Variants in RARB observed in about 807,000 individuals in gnomAD.
RARB encodes HBV-activated protein.
A neutral mutation model predicts 51.9 loss-of-function variants in RARB; 17 were observed. The observed-to-expected ratio is 0.33, with a 90% CI of 0.22 to 0.49. RARB has a LOEUF of 0.49. Among genes scored for constraint, RARB ranks in the 20% least tolerant of loss-of-function variants. The probability of loss-of-function intolerance (pLI) is 0.99; values close to 1 mark genes in which losing one functional copy is unlikely to be tolerated. For synonymous variants in RARB, 215 were observed against 195.4 expected (o/e 1.10, Z -0.84); for missense variants, 369 against 550.8 (o/e 0.67, Z 3.30).
chr3:24,869,246 TAA>T (rs1702902288), intron 2 of RARB, among the ~76,000 whole-genome samples: 1 of 152,184 alleles, frequency 6.6e-6, no homozygotes, highest in African/African-American at 2.4e-5. Flanking sequence ...TAATGTGTCT[TAA>T]GTTGGTTTAC....
chr3:25,348,123 C>T (rs1705450445), intron 5 of RARB, among the ~76,000 whole-genome samples: 1 of 152,138 alleles, frequency 6.6e-6, no homozygotes, highest in South Asian at 2.1e-4. Flanking sequence ...CAGCTGATAG[C>T]AACAGGCTGT....
intron 3 of RARB, among the ~76,000 whole-genome samples, chr3:25,119,212 CTTGT>C (rs1449978741): frequency 6.6e-6 from 1 of 152,040 alleles, no homozygotes; most frequent in Non-Finnish European, 1.5e-5. Flanking sequence ...TGGGTTTGAA[CTTGT>C]TTGAACAGGA....
intron 5 of RARB, among the ~76,000 whole-genome samples, chr3:25,193,923 G>A (rs536024545): frequency 2.6e-5 from 4 of 151,716 alleles, no homozygotes; most frequent in South Asian, 4.2e-4. Context: ...TTAGTAAGAT[G>A]ATTATTTAGC....
At chr3:24,898,946 T>C (rs1353173532) in intron 2 of RARB, among the ~76,000 whole-genome samples, 1 of 152,164 alleles carries the variant, frequency 6.6e-6, no homozygotes, top group Non-Finnish European at 1.5e-5. Flanking sequence ...GTACAACTCA[T>C]TGGCCAAAAC....
chr3:25,293,541 T>C (rs1245773976), intron 5 of RARB, among the ~76,000 whole-genome samples: 1 of 131,884 alleles, frequency 7.6e-6, no homozygotes, highest in Non-Finnish European at 1.6e-5. Flanking sequence ...CAGATGATAT[T>C]TTGCAGAACA....
intron 3 of RARB, among the ~76,000 whole-genome samples, chr3:25,509,749 C>T (rs1030658642): frequency 6.6e-6 from 1 of 152,168 alleles, no homozygotes; most frequent in Admixed American, 6.5e-5. Flanking sequence ...CCTCAGTCAG[C>T]TCAAGGTGAG....
intron 3 of RARB, among the ~76,000 whole-genome samples, chr3:25,103,368 T>G (rs1458241740): frequency 6.6e-6 from 1 of 152,210 alleles, no homozygotes; most frequent in Non-Finnish European, 1.5e-5. Context: ...ATTCCATTAT[T>G]GAACCCCATT....
chr3:25,242,579 T>G (rs373776250), intron 5 of RARB, among the ~76,000 whole-genome samples: 5 of 151,850 alleles, frequency 3.3e-5, no homozygotes, highest in African/African-American at 1.2e-4. Flanking sequence ...TTCCCATTGC[T>G]TTTTTTTCTG....
chr3:25,041,943 G>T (rs1698123272), intron 2 of RARB, among the ~76,000 whole-genome samples: 1 of 152,134 alleles, frequency 6.6e-6, no homozygotes, highest in Non-Finnish European at 1.5e-5. Context: ...TGATGTTGCA[G>T]TTAAAGCTTG....
chr3:24,918,702 C>T (rs1025608695), intron 2 of RARB, among the ~76,000 whole-genome samples: 1 of 152,084 alleles, frequency 6.6e-6, no homozygotes, highest in African/African-American at 2.4e-5. Context: ...GGCCAACAGG[C>T]CAACATGGTG....
At chr3:25,343,024 T>TGTGTG (rs1705278428) in intron 5 of RARB, among the ~76,000 whole-genome samples, 3 of 132,058 alleles carry the variant, frequency 2.3e-5, no homozygotes, top group African/African-American at 6.1e-5. Context: ...TGCAAGTACT[T>TGTGTG]TGTGTGTGTG....
chr3:24,835,233 A>G (rs1702329472), intron 1 of RARB, among the ~76,000 whole-genome samples: 1 of 152,218 alleles, frequency 6.6e-6, no homozygotes. Flanking sequence ...AGTTTCACCT[A>G]TGCCAATAAG....
chr3:25,583,221 C>A (rs1239504534), intron 5 of RARB, among the ~76,000 whole-genome samples: 1 of 152,218 alleles, frequency 6.6e-6, no homozygotes, highest in East Asian at 1.9e-4. Context: ...TCACAAGATC[C>A]TGAAAGTACG....
intron 2 of RARB, among the ~76,000 whole-genome samples, chr3:24,943,149 T>G (rs1029031950): frequency 2.0e-5 from 3 of 152,186 alleles, no homozygotes; most frequent in Admixed American, 1.3e-4. Flanking sequence ...AGGGATAATT[T>G]TGTTGGGGTA....
intron 3 of RARB, among the ~76,000 whole-genome samples, chr3:25,091,101 ATGTTTCATCAGTAG>A (rs1699190392): frequency 6.6e-6 from 1 of 152,186 alleles, no homozygotes; most frequent in Admixed American, 6.6e-5. Flanking sequence ...CTTGGATTAA[ATGTTTCATCAGTAG>A]TGCCTATTTA....
chr3:25,502,642 GC>G (rs1216483052), intron 3 of RARB, among the ~76,000 whole-genome samples: 2 of 152,174 alleles, frequency 1.3e-5, no homozygotes, highest in African/African-American at 4.8e-5. Flanking sequence ...TTATGTTCCA[GC>G]CGCATGCGTG....
chr3:25,306,042 G>T (rs1171359991), intron 5 of RARB, among the ~76,000 whole-genome samples: 1 of 152,174 alleles, frequency 6.6e-6, no homozygotes, highest in Non-Finnish European at 1.5e-5. Context: ...GAGTTTGGTA[G>T]TGTTAGCCTG....
At chr3:25,366,805 C>T (rs1358763957) in intron 5 of RARB, among the ~76,000 whole-genome samples, 2 of 152,114 alleles carry the variant, frequency 1.3e-5, no homozygotes, top group Non-Finnish European at 2.9e-5. Flanking sequence ...GAGAGCATTT[C>T]CTAAATATTA....
At chr3:25,365,199 CTTTTTTTTTTTTTTT>C (rs3035063) in intron 5 of RARB, among the ~76,000 whole-genome samples, 992 of 75,500 alleles carry the variant, frequency 0.013, 18 homozygotes, top group African/African-American at 0.044. Flanking sequence ...TTCTTTCTTT[CTTTTTTTTTTTTTTT>C]TTTTTTTTTT....
Sources: gnomAD v4.1 joint callset for allele counts (sites outside exome capture counted in the v4.1 genomes callset) on GRCh38, gnomAD v4.1.1 for gene constraint, MANE v1.5 for transcripts, NCBI Gene and HGNC (gene_info 2026-07-23, HGNC 2026-07-21) for gene names.